The following CEP170 variants were observed in gnomAD, a reference collection of about 807,000 sequenced individuals.
The protein encoded by CEP170 is centrosomal protein of 170 kDa.
Under a neutral mutation model 151.9 loss-of-function variants are expected in CEP170, and 21 were observed. That is an observed-to-expected ratio of 0.14 (90% CI 0.10 to 0.20). The LOEUF is 0.20. CEP170 is among the 10% of genes least tolerant of loss of function. The pLI is 1.00. For synonymous variants in CEP170, 356 were observed against 648.8 expected (o/e 0.55, Z 6.86); for missense variants, 964 against 1,892.9 (o/e 0.51, Z 9.11).
chr1:243,182,247 A>G (rs1195042799), intron 10 of CEP170, among the ~76,000 whole-genome samples: 5 of 152,192 alleles, frequency 3.3e-5, no homozygotes, highest in Non-Finnish European at 2.9e-5. Flanking sequence ...AGCCCTTAAC[A>G]TAAGCCAGCC....
At chr1:243,220,020 A>T (rs1165252495) in intron 3 of CEP170, among the ~76,000 whole-genome samples, 1 of 152,244 alleles carries the variant, frequency 6.6e-6, no homozygotes, top group Non-Finnish European at 1.5e-5. Context: ...AAAATTGCTA[A>T]CATTCATGCC....
At chr1:243,152,186 T>A (rs2057145674) in intron 14 of CEP170, among the ~76,000 whole-genome samples, 1 of 152,038 alleles carries the variant, frequency 6.6e-6, no homozygotes, top group Admixed American at 6.6e-5. Flanking sequence ...CCTGCTAACA[T>A]CCATTCTGCA....
chr1:243,254,857 G>C (rs928785616), intron 1 of CEP170, among the ~76,000 whole-genome samples, 183 bp downstream of exon 1: 1 of 151,796 alleles, frequency 6.6e-6, no homozygotes, highest in Non-Finnish European at 1.5e-5. Flanking sequence ...CAGAGGGTGG[G>C]GGTGGCGGCG....
intron 4 of CEP170, among the ~76,000 whole-genome samples, chr1:243,205,293 A>C (rs1489047415): frequency 1.3e-5 from 2 of 152,212 alleles, no homozygotes; most frequent in African/African-American, 2.4e-5. Context: ...TACTCTCAAC[A>C]GCTAGACTGT....
At chr1:243,175,100 C>G (rs187698393) in intron 10 of CEP170, 1 of 152,196 alleles carries the variant, frequency 6.6e-6, no homozygotes, top group Non-Finnish European at 1.5e-5. Context: ...CTAATCCACA[C>G]TAAAAACTTG....
intron 13 of CEP170, among the ~76,000 whole-genome samples, chr1:243,159,801 G>GTGTGTGTGTGTGTGTGTT (rs1170946413): frequency 2.0e-5 from 3 of 150,966 alleles, no homozygotes; most frequent in Non-Finnish European, 1.5e-5. Context: ...GTGTGTGTGT[G>GTGTGTGTGTGTGTGTGTT]TTTTTGAGAT....
chr1:243,220,801 T>C (rs745683222), intron 3 of CEP170, among the ~76,000 whole-genome samples: 4 of 152,234 alleles, frequency 2.6e-5, no homozygotes, highest in Non-Finnish European at 5.9e-5. Flanking sequence ...TTTTAGTTTG[T>C]AGCTACTTAT....
intron 8 of CEP170, among the ~76,000 whole-genome samples, chr1:243,188,774 C>T (rs2148739652): frequency 6.6e-6 from 1 of 152,326 alleles, no homozygotes. Context: ...TTGATCTAAA[C>T]AGTTGCTGAA....
intron 14 of CEP170, among the ~76,000 whole-genome samples, chr1:243,151,084 A>C (rs545273211): frequency 1.3e-5 from 2 of 152,308 alleles, no homozygotes; most frequent in East Asian, 3.9e-4. Context: ...CTACTACAAT[A>C]GCTCCAAGTA....
intron 1 of CEP170, among the ~76,000 whole-genome samples, chr1:243,241,651 G>A (rs1024462428): frequency 2.0e-5 from 3 of 151,876 alleles, no homozygotes; most frequent in East Asian, 1.9e-4. Flanking sequence ...TTAGCTGGGC[G>A]TGGTGGCAGG....
At chr1:243,157,378 T>C (rs560513208) in intron 13 of CEP170, among the ~76,000 whole-genome samples, 929 of 91,304 alleles carry the variant, frequency 0.01, 1 homozygote, top group Middle Eastern at 0.024. Flanking sequence ...GAAGCATAAA[T>C]AGAGGTAAAA....
chr1:243,240,880 A>C (rs2064769438), intron 1 of CEP170, among the ~76,000 whole-genome samples: 2 of 152,044 alleles, frequency 1.3e-5, no homozygotes, highest in South Asian at 4.2e-4. Flanking sequence ...TTTAGTAGAG[A>C]TGAGGTTTCA....
At chr1:243,167,564 G>A (rs993174632) in intron 12 of CEP170, among the ~76,000 whole-genome samples, 7 of 150,476 alleles carry the variant, frequency 4.7e-5, no homozygotes, top group African/African-American at 1.7e-4. Flanking sequence ...ATCTTTTCAG[G>A]GAAATATAAA....
chr1:243,209,673 C>T (rs562424950), intron 4 of CEP170, among the ~76,000 whole-genome samples: 99 of 151,394 alleles, frequency 6.5e-4, no homozygotes, highest in African/African-American at 2.3e-3. Context: ...ATTTCTGCCA[C>T]TATAACAGAT....
At chr1:243,143,133 G>T (rs1333324533) in intron 14 of CEP170, among the ~76,000 whole-genome samples, 1 of 152,024 alleles carries the variant, frequency 6.6e-6, no homozygotes, top group African/African-American at 2.4e-5. Flanking sequence ...ATTCTTTTAT[G>T]TTTACACCTG....
Position 243,233,689 on chromosome 1 carries a change from C to T in CEP170, c.-41-8368G>A, listed in dbSNP as rs182012423. ...CGGAGCTTACAGTGAGCCAAGATCA[C>T]GCCACTGTACTCCAGACTGGGCAAC... is the stretch of plus-strand genomic sequence containing the variant. On this transcript the variant is annotated intron_variant, in intron 1 of 19. Transcript: ENST00000366542. Among the ~76,000 whole-genome samples, 553 of 146,762 alleles carry T rather than the reference C, an allele frequency of 3.8e-3. 2 individuals are homozygous for T. The highest frequency in any genetic ancestry group is 0.013 in the African/African-American group (520 of 39,688).
chr1:243,168,632 T>G (rs181476546), intron 12 of CEP170, among the ~76,000 whole-genome samples: 5 of 152,014 alleles, frequency 3.3e-5, no homozygotes, highest in African/African-American at 9.6e-5. Flanking sequence ...ATATTCACCA[T>G]GCTGTGCAGC....
chr1:243,132,719 G>C (rs905908566), intron 17 of CEP170, among the ~76,000 whole-genome samples: 6 of 152,300 alleles, frequency 3.9e-5, no homozygotes, highest in African/African-American at 1.4e-4. Context: ...CTTTGGGGGA[G>C]ACTACAGAAC....
intron 11 of CEP170, among the ~76,000 whole-genome samples, chr1:243,170,183 C>T (rs1209276501): frequency 6.6e-6 from 1 of 151,652 alleles, no homozygotes; most frequent in African/African-American, 2.4e-5. Context: ...GTCAGGAGAT[C>T]GAGACCACCC....
Sources: gnomAD v4.1 joint callset for allele counts (sites outside exome capture counted in the v4.1 genomes callset) on GRCh38, gnomAD v4.1.1 for gene constraint, MANE v1.5 for transcripts, NCBI Gene and HGNC (gene_info 2026-07-23, HGNC 2026-07-21) for gene names.